The following KAZN variants were observed in gnomAD, a reference collection of about 807,000 sequenced individuals.
KAZN encodes kazrin.
A neutral mutation model predicts 87.4 loss-of-function variants in KAZN; 40 were observed. That is an observed-to-expected ratio of 0.46 (90% confidence interval 0.36 to 0.60). The LOEUF (loss-of-function observed/expected upper bound fraction) is 0.60. Among genes scored for constraint, KAZN ranks in the 20% least tolerant of loss-of-function variants. The probability of loss-of-function intolerance (pLI) is 0.00; values close to 1 mark genes in which losing one functional copy is unlikely to be tolerated. For missense variants in KAZN, 898 were observed against 1,073.9 expected (o/e 0.84, Z 2.29); for synonymous variants, 466 against 458.3 (o/e 1.02, Z -0.22).
At chr1:14,246,752 C>T (rs184999056) in intron 2 of KAZN, among the ~76,000 whole-genome samples, 6 of 152,162 alleles carry the variant, frequency 3.9e-5, no homozygotes, top group East Asian at 3.9e-4. Flanking sequence ...TGCAATGTTT[C>T]GAGCTTTATG....
chr1:13,979,383 A>G (rs1026362661), intron 1 of KAZN, among the ~76,000 whole-genome samples: 2 of 152,228 alleles, frequency 1.3e-5, no homozygotes, highest in Non-Finnish European at 2.9e-5. Flanking sequence ...ATAGAATGAC[A>G]TCTTTAAGTC....
At chr1:14,812,295 C>T (rs1202256970) in intron 1 of KAZN, among the ~76,000 whole-genome samples, 1 of 152,202 alleles carries the variant, frequency 6.6e-6, no homozygotes, top group African/African-American at 2.4e-5. Context: ...GCTCAGACTA[C>T]ATTTCAACCC....
chr1:14,873,074 G>C (rs1652352335), intron 1 of KAZN, among the ~76,000 whole-genome samples: 1 of 145,268 alleles, frequency 6.9e-6, no homozygotes, highest in East Asian at 2.1e-4. Flanking sequence ...ATGGGTGGAT[G>C]GATGGATGGA....
At chr1:14,989,514 A>G (rs149212078) in intron 2 of KAZN, among the ~76,000 whole-genome samples, 6 of 152,330 alleles carry the variant, frequency 3.9e-5, no homozygotes, top group Non-Finnish European at 7.4e-5. Context: ...ACTTGTCTTC[A>G]TCGTCATTGG....
At chr1:15,044,255 G>C (rs1179856003) in intron 4 of KAZN, 96 bp downstream of exon 4, 1 of 1,103,578 alleles carries the variant, frequency 9.1e-7, no homozygotes. Flanking sequence ...GGAGACCTAG[G>C]GTGGGGTGGG....
intron 13 of KAZN, among the ~76,000 whole-genome samples, chr1:15,106,490 C>T (rs1435575096): frequency 6.6e-6 from 1 of 152,134 alleles, no homozygotes; most frequent in African/African-American, 2.4e-5. Context: ...CTCTTGACCA[C>T]TCATGAGGTG....
At chr1:15,051,289 C>T (rs932283049) in intron 4 of KAZN, among the ~76,000 whole-genome samples, 7 of 152,368 alleles carry the variant, frequency 4.6e-5, no homozygotes, top group Admixed American at 3.9e-4. Context: ...TCCGGATCAG[C>T]GGAACCTCAG....
chr1:14,889,395 G>A (rs1654461691), intron 1 of KAZN, among the ~76,000 whole-genome samples: 1 of 152,252 alleles, frequency 6.6e-6, no homozygotes, highest in East Asian at 1.9e-4. Flanking sequence ...GCAGTAAAAT[G>A]GATGCACTAT....
intron 8 of KAZN, among the ~76,000 whole-genome samples, chr1:15,083,895 T>G (rs553828264): frequency 3.0e-4 from 45 of 152,158 alleles, no homozygotes; most frequent in Non-Finnish European, 6.5e-4. Flanking sequence ...GCTGCTCACA[T>G]AGGTTCTTCT....
intron 8 of KAZN, among the ~76,000 whole-genome samples, chr1:15,069,164 C>T (rs896217895): frequency 1.3e-5 from 2 of 152,118 alleles, no homozygotes; most frequent in African/African-American, 4.8e-5. Context: ...CACACGCATG[C>T]CCCTACTCCC....
intron 1 of KAZN, among the ~76,000 whole-genome samples, chr1:13,989,309 G>A (rs932251593): frequency 1.3e-5 from 2 of 152,040 alleles, no homozygotes; most frequent in Non-Finnish European, 2.9e-5. Flanking sequence ...GATCAAGTTG[G>A]CACCTACTAT....
At chr1:14,206,949 C>T (rs1197193581) in intron 2 of KAZN, among the ~76,000 whole-genome samples, 5 of 141,772 alleles carry the variant, frequency 3.5e-5, no homozygotes, top group Non-Finnish European at 7.5e-5. Context: ...CCTTTCTTTT[C>T]TTCTTCTTTT....
chr1:14,989,176 T>C (rs1161165477), intron 2 of KAZN, among the ~76,000 whole-genome samples: 1 of 152,212 alleles, frequency 6.6e-6, no homozygotes, highest in African/African-American at 2.4e-5. Context: ...CAGTCATCTT[T>C]GTACTTTAGA....
chr1:14,226,199 C>T (rs1427632217), intron 2 of KAZN, among the ~76,000 whole-genome samples: 1 of 152,022 alleles, frequency 6.6e-6, no homozygotes, highest in Non-Finnish European at 1.5e-5. Context: ...GGAACTTAAG[C>T]AAATTAACAA....
At chr1:14,760,785 C>T (rs1221283976) in intron 1 of KAZN, among the ~76,000 whole-genome samples, 1 of 152,154 alleles carries the variant, frequency 6.6e-6, no homozygotes, top group Non-Finnish European at 1.5e-5. Flanking sequence ...AAGACCTCGT[C>T]TCTACAAATA....
intron 2 of KAZN, among the ~76,000 whole-genome samples, chr1:14,483,004 C>G (rs1012613745): frequency 5.1e-5 from 7 of 136,490 alleles, no homozygotes; most frequent in Non-Finnish European, 1.2e-4. Flanking sequence ...CAGAGCTGTT[C>G]CGAGACTTAA....
intron 2 of KAZN, among the ~76,000 whole-genome samples, chr1:15,029,489 G>C (rs188039779): frequency 6.6e-6 from 1 of 152,290 alleles, no homozygotes; most frequent in Non-Finnish European, 1.5e-5. Flanking sequence ...CCCACACGTT[G>C]CACACGCAAA....
rs111813408 is a variant in KAZN at position 14,177,141 on chromosome 1, C to G, written c.92-3294C>G. Among the ~76,000 whole-genome samples, 1,093 of 152,064 alleles carry G rather than the reference C, an allele frequency of 7.2e-3. 18 individuals are homozygous for G. Among genetic ancestry groups the G allele is most frequent in the African/African-American group, 0.025 (1,039 of 41,450 alleles). ...CCACTGCACTCGAGCCTGGGTGACA[C>G]AGCGAGACGCCATCTCAAAAAAAAA... On this transcript the variant is annotated intron_variant, in intron 1 of 16. Coordinates refer to the KAZN transcript ENST00000636203.
At chr1:14,953,380 G>A (rs1290423187) in intron 1 of KAZN, among the ~76,000 whole-genome samples, 1 of 152,252 alleles carries the variant, frequency 6.6e-6, no homozygotes, top group Admixed American at 6.5e-5. Flanking sequence ...TTTGGAAGGT[G>A]GTAGTGTGGG....
Sources: gnomAD v4.1 joint callset for allele counts (sites outside exome capture counted in the v4.1 genomes callset) on GRCh38, gnomAD v4.1.1 for gene constraint, MANE v1.5 for transcripts, NCBI Gene and HGNC (gene_info 2026-07-23, HGNC 2026-07-21) for gene names.